LSM7: variants seen among roughly 807,000 people sequenced by gnomAD.
The protein encoded by LSM7 is LSM7 homolog, U6 small nuclear RNA and mRNA degradation associated, also known as U6 snRNA-associated Sm-like protein LSm7.
In LSM7, 13 loss-of-function variants were observed where a neutral mutation model predicts 14.1. That is an observed-to-expected ratio of 0.92 (90% CI 0.60 to 1.47). The LOEUF is 1.47. Ranked by LOEUF, LSM7 falls within the 40% of genes most tolerant of loss-of-function variation. The pLI, the probability that LSM7 is intolerant of heterozygous loss-of-function variation, is 0.00. For missense variants in LSM7, 108 were observed against 140.8 expected (o/e 0.77, Z 1.18); for synonymous variants, 70 against 57.1 (o/e 1.23, Z -1.02).
At chr19:2,324,087 C>A in intron 3 of LSM7, 38 bp downstream of exon 3, 1 of 1,501,372 alleles carries the variant, frequency 6.7e-7, no homozygotes, top group South Asian at 1.2e-5. Context: ...CACTATCCCC[C>A]TCGTCCCGCT....
chr19:2,326,046 C>T (rs1039371011), intron 2 of LSM7: 38 of 152,304 alleles, frequency 2.5e-4, no homozygotes, highest in African/African-American at 8.9e-4. Context: ...AGCCCGCCCT[C>T]CTCACGGGGA....
chr19:2,327,391 C>T (rs1051793730), intron 2 of LSM7, among the ~76,000 whole-genome samples: 28 of 151,942 alleles, frequency 1.8e-4, no homozygotes, highest in African/African-American at 6.5e-4. Context: ...TACAAGCGTG[C>T]GCCACCATGC....
At chr19:2,325,683 C>T (rs993635495) in intron 2 of LSM7, among the ~76,000 whole-genome samples, 3 of 152,158 alleles carry the variant, frequency 2.0e-5, no homozygotes, top group Admixed American at 2.0e-4. Flanking sequence ...CAAACTACGA[C>T]CCCCAGGTGA....
chr19:2,324,483 C>T (rs902979001), intron 2 of LSM7: 16 of 492,010 alleles, frequency 3.3e-5, no homozygotes, highest in Middle Eastern at 5.6e-4. Flanking sequence ...GAGGCAGCTT[C>T]GGTAATGAGT....
chr19:2,325,183 G>C (rs1967995793), intron 2 of LSM7, among the ~76,000 whole-genome samples: 1 of 152,134 alleles, frequency 6.6e-6, no homozygotes, highest in Non-Finnish European at 1.5e-5. Context: ...ACTTAGGTTA[G>C]GGCTCTCTGA....
At chr19:2,322,740 G>A (rs1967953010) in intron 3 of LSM7, among the ~76,000 whole-genome samples, 1 of 152,152 alleles carries the variant, frequency 6.6e-6, no homozygotes, top group Non-Finnish European at 1.5e-5. Context: ...CAGACACCAG[G>A]TCTTGCTCTG....
Position 2,321,566 on chromosome 19 carries a change from A to G in LSM7, c.*114T>C, listed in dbSNP as rs981504475. ...AAGAAAACAAAAATTCAACCTATAC[A>G]AAAAGGAAAATGCTTCCGTTCCAGG... is the stretch of plus-strand genomic sequence containing the variant. On this transcript the variant is annotated 3_prime_UTR_variant, in exon 4 of 4. Transcript: ENST00000252622. This position sits in a 1 kb window ranked among gnomAD's most constrained non-coding sequence, Gnocchi z 5.0. 7.6e-6 allele frequency: 9 copies of G among 1,180,796 alleles called. No individual in the cohort carries two copies. The Admixed American group carries it at 1.6e-4, about 22-fold the overall frequency. 73.1% of individuals were successfully genotyped at this position (1,180,796 alleles called of 1,614,324 possible).
chr19:2,326,312 T>TTGTGTGTGTGTGTGTGTGTGTG (rs145468909), intron 2 of LSM7, among the ~76,000 whole-genome samples: 4 of 129,782 alleles, frequency 3.1e-5, no homozygotes, highest in African/African-American at 8.5e-5. Context: ...TTTCTGCTTT[T>TTGTGTGTGTGTGTGTGTGTGTG]TGTGTGTGTG....
At chr19:2,326,485 G>A (rs992106685) in intron 2 of LSM7, among the ~76,000 whole-genome samples, 2 of 152,188 alleles carry the variant, frequency 1.3e-5, no homozygotes, top group African/African-American at 2.4e-5. Context: ...ACAGGCATGC[G>A]CCACCATGCC....
At chr19:2,324,006 G>C in intron 3 of LSM7, 119 bp downstream of exon 3, 1 of 858,168 alleles carries the variant, frequency 1.2e-6, no homozygotes, top group Non-Finnish European at 1.8e-6. Context: ...GAGAGAAGAA[G>C]AGCCAGCAGG....
intron 2 of LSM7, among the ~76,000 whole-genome samples, chr19:2,326,602 C>T (rs190776849): frequency 2.6e-5 from 4 of 152,318 alleles, no homozygotes; most frequent in Admixed American, 2.6e-4. Flanking sequence ...TCCCAAAGTG[C>T]TGGGATTACA....
intron 2 of LSM7, chr19:2,324,542 A>G: frequency 3.3e-6 from 1 of 299,508 alleles, no homozygotes. Context: ...CAGGCACTGA[A>G]CTGTGAATTT....
intron 3 of LSM7, among the ~76,000 whole-genome samples, chr19:2,322,820 C>T (rs1051623657): frequency 1.3e-5 from 2 of 152,288 alleles, no homozygotes; most frequent in African/African-American, 2.4e-5. Context: ...AAACAATCCT[C>T]CTGCCTTAGC....
chr19:2,324,361 G>T, intron 2 of LSM7, 165 bp from the exon 3 acceptor site: 1 of 619,268 alleles, frequency 1.6e-6, no homozygotes. Context: ...CCTCCAGAGT[G>T]ATCTCCACCA....
intron 2 of LSM7, among the ~76,000 whole-genome samples, chr19:2,325,296 T>C (rs114656295): frequency 0.016 from 2,177 of 140,146 alleles, 57 homozygotes; most frequent in African/African-American, 0.054. Flanking sequence ...CAGCCCACCC[T>C]CTCTGCCTGG....
intron 3 of LSM7, among the ~76,000 whole-genome samples, chr19:2,322,201 T>C (rs1967945265): frequency 6.6e-6 from 1 of 152,158 alleles, no homozygotes; most frequent in South Asian, 2.1e-4. Flanking sequence ...TCCTGGTCTC[T>C]GCAAGGTCCC....
chr19:2,325,754 G>A (rs956490561), intron 2 of LSM7, among the ~76,000 whole-genome samples: 1 of 152,232 alleles, frequency 6.6e-6, no homozygotes, highest in African/African-American at 2.4e-5. Flanking sequence ...ACACTCGCCC[G>A]CTCAGGCGCT....
At position 2,328,442 on chromosome 19, in the gene LSM7, G is replaced by A. The variant is rs368256534; in HGVS notation, c.42C>T (p.Asp14=). The A allele has an allele frequency of 1.2e-5, 19 of 1,613,952 alleles. No homozygotes were observed. The highest frequency in any genetic ancestry group is 1.6e-5 in the Non-Finnish European group (19 of 1,179,890). The change falls in exon 2 of 4, where the codon GAC becomes GAT. Residue 14 remains aspartate, a synonymous_variant. Transcript: ENST00000252622. The stretch of plus-strand genomic sequence containing the variant: ...TCGTCTTGTCGATGTACTTGGACAA[G>A]TCCAAGATGCTCTCCTTTTTCTTCT... The part of the protein sequence containing the change: ...KEKKKKESIL[D]LSKYIDKTIR...
chr19:2,328,080 A>G (rs1599182837), intron 2 of LSM7: 2 of 267,958 alleles, frequency 7.5e-6, no homozygotes, highest in East Asian at 8.6e-5. Flanking sequence ...CAGGAGTTTG[A>G]GACCATCCTG....
Sources: gnomAD v4.1 joint callset for allele counts (sites outside exome capture counted in the v4.1 genomes callset) on GRCh38, gnomAD v4.1.1 for gene constraint, Gnocchi (gnomAD v3.1) non-coding constraint, MANE v1.5 for transcripts, NCBI Gene and HGNC (gene_info 2026-07-23, HGNC 2026-07-21) for gene names.